The following GLYR1 variants were observed in gnomAD, a reference collection of about 807,000 sequenced individuals.
GLYR1 encodes glyoxylate reductase 1 homolog.
Under a neutral mutation model 72.7 loss-of-function variants are expected in GLYR1, and 21 were observed. That is an observed-to-expected ratio of 0.29 (90% CI 0.20 to 0.42). The LOEUF is 0.42. Among genes scored for constraint, GLYR1 ranks in the 10% least tolerant of loss-of-function variants. The probability of loss-of-function intolerance (pLI) is 1.00; values close to 1 mark genes in which losing one functional copy is unlikely to be tolerated. For missense variants in GLYR1, 594 were observed against 712.1 expected (o/e 0.83, Z 1.89); for synonymous variants, 392 against 270.2 (o/e 1.45, Z -4.42).
chr16:4,816,561 T>A (rs2083654429), intron 10 of GLYR1, among the ~76,000 whole-genome samples: 1 of 152,218 alleles, frequency 6.6e-6, no homozygotes, highest in South Asian at 2.1e-4. Flanking sequence ...TGGTATTCCT[T>A]TGAATTTTAT....
chr16:4,809,418 C>T (rs772306215), intron 15 of GLYR1, among the ~76,000 whole-genome samples: 4 of 150,982 alleles, frequency 2.6e-5, no homozygotes, highest in Non-Finnish European at 4.4e-5. Flanking sequence ...TGAGACCATC[C>T]TGGCTAACAC....
chr16:4,805,032 A>G lies in GLYR1; in HGVS notation c.*204T>C. 2 of 592,564 alleles carry G rather than the reference A, an allele frequency of 3.4e-6. No homozygotes were observed. Among genetic ancestry groups the G allele is most frequent in the Admixed American group, 2.8e-5 (1 of 35,794 alleles). 36.7% of individuals were successfully genotyped at this position (592,564 alleles called of 1,614,324 possible). On this transcript the variant is annotated 3_prime_UTR_variant, in exon 16 of 16. Transcript: ENST00000321919. ...AGCTCAAGAGCTTTCCCACACGCCAATCCTGCTGACACTTGTCCCCTCCCC... is the reference window on the plus strand; with the variant it reads ...AGCTCAAGAGCTTTCCCACACGCCAGTCCTGCTGACACTTGTCCCCTCCCC...
Position 4,811,809 on chromosome 16 carries a change from A to C in GLYR1, c.1283-7T>G, listed in dbSNP as rs1391804031. ...GCTGCATTGCCCACTTCACCTGCCC[A>C]GGGTAAAGACTCACGGTCACAGCCC... On this transcript the variant is annotated splice_polypyrimidine_tract_variant and splice_region_variant and intron_variant, in intron 13 of 15. Coordinates refer to ENST00000321919, the MANE Select transcript of GLYR1 (RefSeq NM_032569.4). 2 of 1,611,166 alleles carry C rather than the reference A, an allele frequency of 1.2e-6. No homozygotes were observed. Among genetic ancestry groups the C allele is most frequent in the Non-Finnish European group, 1.7e-6 (2 of 1,178,254 alleles).
intron 15 of GLYR1, among the ~76,000 whole-genome samples, chr16:4,807,795 G>C (rs1014929412): frequency 6.6e-6 from 1 of 152,142 alleles, no homozygotes; most frequent in East Asian, 1.9e-4. Context: ...CATCAAAAAA[G>C]ACTTATAAAA....
chr16:4,831,952 C>T (rs1471023387), intron 5 of GLYR1, 27 bp downstream of exon 5: 1 of 1,606,078 alleles, frequency 6.2e-7, no homozygotes, highest in East Asian at 2.2e-5. Context: ...CATCACTAAT[C>T]CCGGAAGCTG....
chr16:4,834,757 A>C (rs2085026621), intron 3 of GLYR1, among the ~76,000 whole-genome samples: 1 of 151,992 alleles, frequency 6.6e-6, no homozygotes, highest in South Asian at 2.1e-4. Flanking sequence ...TGAGCCAGCA[A>C]ACTCCTTTCC....
Position 4,821,425 on chromosome 16 carries a change from G to C in GLYR1, c.761C>G (p.Ala254Gly). 2 of 1,613,792 alleles carry C rather than the reference G, an allele frequency of 1.2e-6. No individual in the cohort carries two copies. Among genetic ancestry groups the C allele is most frequent in the Non-Finnish European group, 1.7e-6 (2 of 1,180,054 alleles). ...EETGSTSIQA[A>G]DSTAVNGSIT... Reference sequence around the variant, plus strand: ...GCTGCCATTCACGGCTGTGCTGTCAGCTGCCTGGATGGAGGTGGAGCCAGT... The same window carrying C: ...GCTGCCATTCACGGCTGTGCTGTCACCTGCCTGGATGGAGGTGGAGCCAGT... Residue 254 changes from alanine (A) to glycine (G), a missense_variant, in exon 9 of 16, where the codon GCT becomes GGT. Ala to Gly is a moderately conservative substitution (Grantham distance 60, BLOSUM62 0). Around this residue, in one of 5 missense-constraint regions of GLYR1, gnomAD observed 266 missense variants for 358.4 expected, o/e 0.74. Coordinates refer to ENST00000321919, the MANE Select transcript of GLYR1 (RefSeq NM_032569.4).
At chr16:4,816,410 T>C (rs1567684783) in intron 10 of GLYR1, among the ~76,000 whole-genome samples, 1 of 152,214 alleles carries the variant, frequency 6.6e-6, no homozygotes, top group Non-Finnish European at 1.5e-5. Context: ...CCCAAGGTGC[T>C]AGGATTATAG....
At chr16:4,821,506 C>G (rs1282660433) in intron 8 of GLYR1, 41 bp downstream of exon 8, 1 of 1,613,744 alleles carries the variant, frequency 6.2e-7, no homozygotes, top group Non-Finnish European at 8.5e-7. Context: ...GTTTAAGGCC[C>G]CAGGTGAAAA....
intron 12 of GLYR1, among the ~76,000 whole-genome samples, chr16:4,813,347 G>A (rs1355150564): frequency 2.0e-5 from 3 of 152,194 alleles, no homozygotes; most frequent in African/African-American, 4.8e-5. Flanking sequence ...TGTGGATGCT[G>A]CCCTCCCCTC....
chr16:4,836,382 T>C (rs1290067010), intron 3 of GLYR1, among the ~76,000 whole-genome samples: 1 of 152,258 alleles, frequency 6.6e-6, no homozygotes, highest in Non-Finnish European at 1.5e-5. Context: ...CTGTAACTTT[T>C]GATTTTCCTA....
At chr16:4,839,270 T>C (rs2085374503) in intron 3 of GLYR1, 1 of 152,306 alleles carries the variant, frequency 6.6e-6, no homozygotes, top group South Asian at 2.1e-4. Flanking sequence ...ATTTTTAAAT[T>C]TTTTGTAGAG....
chr16:4,822,077 C>T (rs1344558153), intron 7 of GLYR1, among the ~76,000 whole-genome samples: 5 of 124,956 alleles, frequency 4.0e-5, no homozygotes, highest in Admixed American at 2.3e-4. Context: ...CTCAACTACA[C>T]AGCTGGCTGA....
chr16:4,823,742 CAAAA>C lies in GLYR1; in HGVS notation c.624+75_624+78del, dbSNP rs34966439. On this transcript the variant is annotated intron_variant, in intron 6 of 15. Transcript: ENST00000321919. ...TTAAGCCTCACACACAAGAAAGGGA[CAAAA>C]AAAAAAAAAAAAAGGATCACACAGG... 6,364 of 770,736 alleles carry C rather than the reference CAAAA, an allele frequency of 8.3e-3. 1 individual carries two copies. The highest frequency in any genetic ancestry group is 0.011 in the African/African-American group (484 of 44,012). The allele number at this position is 770,736 out of a possible 1,614,324, so 47.7% of individuals were successfully genotyped here.
chr16:4,826,237 G>A (rs2084372924), intron 5 of GLYR1, among the ~76,000 whole-genome samples: 1 of 152,112 alleles, frequency 6.6e-6, no homozygotes, highest in Admixed American at 6.5e-5. Flanking sequence ...ATTTTTTGTA[G>A]ATGTATTATT....
At chr16:4,837,087 A>G (rs935332799) in intron 3 of GLYR1, among the ~76,000 whole-genome samples, 2 of 152,234 alleles carry the variant, frequency 1.3e-5, no homozygotes, top group Non-Finnish European at 2.9e-5. Flanking sequence ...ATGAATTAAA[A>G]TCTGGTATTT....
Position 4,846,223 on chromosome 16 carries a change from CAA to C in GLYR1, c.39-15_39-14del, listed in dbSNP as rs747301335. The C allele has an allele frequency of 4.6e-5, 74 of 1,613,692 alleles. No homozygotes were observed. Among genetic ancestry groups the C allele is most frequent in the Admixed American group, 2.2e-4 (13 of 60,002 alleles). ...GCCGAGTTTCCCCCTAGAGAAAACA[CAA>C]AGAGTCAACACTTGCCCTGCAAAAG... On this transcript the variant is annotated splice_polypyrimidine_tract_variant and intron_variant, in intron 1 of 15. Coordinates refer to ENST00000321919, the MANE Select transcript of GLYR1 (RefSeq NM_032569.4).
chr16:4,812,946 G>A (rs1289568688), intron 12 of GLYR1, among the ~76,000 whole-genome samples: 1 of 145,352 alleles, frequency 6.9e-6, no homozygotes, highest in Non-Finnish European at 1.5e-5. Context: ...ACAGGCAACC[G>A]CCACCATGCC....
chr16:4,824,023 C>A, intron 5 of GLYR1, 116 bp from the exon 6 acceptor site: 1 of 720,616 alleles, frequency 1.4e-6, no homozygotes, highest in South Asian at 1.8e-5. Context: ...GTTCTGATGA[C>A]CGTCCCTCGG....
Sources: allele counts gnomAD v4.1 joint callset (sites outside exome capture counted in the v4.1 genomes callset), GRCh38; gene constraint gnomAD v4.1.1; regional missense constraint gnomAD v4.1.1; transcripts MANE v1.5; gene names NCBI Gene and HGNC (gene_info 2026-07-23, HGNC 2026-07-21).